Variants in PRRX2 observed in about 807,000 individuals in gnomAD.
PRRX2 encodes paired mesoderm homeobox protein 2.
Under a neutral mutation model 18.0 loss-of-function variants are expected in PRRX2, and 11 were observed. The observed-to-expected ratio is 0.61, with a 90% CI of 0.39 to 1.01. The LOEUF is 1.01. PRRX2 is among the 50% of genes least tolerant of loss of function. PRRX2 has a pLI of 0.01. For synonymous variants in PRRX2, 177 were observed against 154.8 expected, an observed-to-expected ratio of 1.14 and a Z score of -1.06; for missense variants, 387 against 351.0, an observed-to-expected ratio of 1.10 and a Z score of -0.82.
intron 1 of PRRX2, among the ~76,000 whole-genome samples, chr9:129,673,861 C>A (rs1832132941): frequency 6.6e-6 from 1 of 152,198 alleles, no homozygotes; most frequent in South Asian, 2.1e-4. Context: ...TGGGAGCTTC[C>A]TGTTTAGACA....
intron 1 of PRRX2, among the ~76,000 whole-genome samples, chr9:129,685,224 C>T (rs1301608893): frequency 6.6e-6 from 1 of 152,224 alleles, no homozygotes; most frequent in African/African-American, 2.4e-5. Flanking sequence ...GGGCCCAGGG[C>T]CCCCTACCAG....
At chr9:129,698,085 C>T (rs1227549536) in intron 1 of PRRX2, among the ~76,000 whole-genome samples, 1 of 152,062 alleles carries the variant, frequency 6.6e-6, no homozygotes, top group East Asian at 1.9e-4. Flanking sequence ...GGTCCCTGGT[C>T]CTGGCTGCTG....
chr9:129,666,341 C>G (rs886223269), intron 1 of PRRX2, among the ~76,000 whole-genome samples: 1 of 152,070 alleles, frequency 6.6e-6, no homozygotes, highest in Non-Finnish European at 1.5e-5. Context: ...GGGGTGCGTC[C>G]CCACGGGGAA....
intron 1 of PRRX2, among the ~76,000 whole-genome samples, chr9:129,668,386 A>G (rs1588159680): frequency 6.6e-6 from 1 of 152,128 alleles, no homozygotes; most frequent in East Asian, 1.9e-4. Flanking sequence ...ATCATCCTCC[A>G]GTCCTGGACA....
chr9:129,684,116 G>C (rs1025189921), intron 1 of PRRX2, among the ~76,000 whole-genome samples: 1 of 152,150 alleles, frequency 6.6e-6, no homozygotes, highest in African/African-American at 2.4e-5. Flanking sequence ...TGCAGACCTG[G>C]GGGTGAGGGG....
At chr9:129,701,359 C>T (rs1021885595) in intron 1 of PRRX2, among the ~76,000 whole-genome samples, 11 of 152,230 alleles carry the variant, frequency 7.2e-5, no homozygotes, top group African/African-American at 2.7e-4. Flanking sequence ...GTTACTTGAC[C>T]ACTAACTGGG....
rs1832806156 is a variant in PRRX2, at chr9:129,722,418, C to T, written c.*66C>T. 6.4e-7 allele frequency: 1 copy of T among 1,571,062 alleles called. No individual in the cohort carries two copies. The highest frequency in any genetic ancestry group is 8.6e-7 in the Non-Finnish European group (1 of 1,156,560). The stretch of plus-strand genomic sequence containing the variant: ...CAGCAATAGAAAAGGGGGCAGACGC[C>T]CAGGAAGTGACCTTCTCCTGGATGA... On this transcript the variant is annotated 3_prime_UTR_variant, in exon 4 of 4. Transcript: ENST00000372469.
At chr9:129,720,879 G>A (rs1832781716) in intron 3 of PRRX2, 105 bp downstream of exon 3, 2 of 1,261,788 alleles carry the variant, frequency 1.6e-6, no homozygotes, top group Non-Finnish European at 2.1e-6. Context: ...CTTGAATGGT[G>A]TCCACGCGCC....
intron 1 of PRRX2, among the ~76,000 whole-genome samples, chr9:129,689,059 C>T (rs915758111): frequency 6.6e-6 from 1 of 152,214 alleles, no homozygotes; most frequent in African/African-American, 2.4e-5. Context: ...CGGGTAGGCT[C>T]ATGGCTTAGG....
intron 1 of PRRX2, among the ~76,000 whole-genome samples, chr9:129,712,603 A>G (rs1832639764): frequency 6.6e-6 from 1 of 152,126 alleles, no homozygotes; most frequent in African/African-American, 2.4e-5. Flanking sequence ...TTTTCACTGT[A>G]ATGTAATCGG....
At chr9:129,691,024 G>T (rs1209431656) in intron 1 of PRRX2, among the ~76,000 whole-genome samples, 3 of 151,724 alleles carry the variant, frequency 2.0e-5, no homozygotes, top group African/African-American at 7.3e-5. Flanking sequence ...GTCAAACACA[G>T]ATATTATTAA....
chr9:129,709,861 G>A lies in PRRX2; in HGVS notation c.260-9370G>A, dbSNP rs141978285. On this transcript the variant is annotated intron_variant, in intron 1 of 3. Coordinates refer to ENST00000372469, the MANE Select transcript of PRRX2 (RefSeq NM_016307.4). The surrounding 1 kb of genome is among the most constrained non-coding windows in gnomAD (Gnocchi z 4.2). ...CCTAGACCCCTGCACAGGAGGGCGGGCTCTGCAGGCTCACCCGGCCCTTCC... is the reference window on the plus strand; with the variant it reads ...CCTAGACCCCTGCACAGGAGGGCGGACTCTGCAGGCTCACCCGGCCCTTCC... Among the ~76,000 whole-genome samples, 403 of 152,056 alleles carry A rather than the reference G, an allele frequency of 2.7e-3. No individual in the cohort carries two copies. The highest frequency in any genetic ancestry group is 9.5e-3 in the African/African-American group (396 of 41,500).
At chr9:129,668,778 CAAAAA>C (rs562855941) in intron 1 of PRRX2, among the ~76,000 whole-genome samples, 2 of 58,670 alleles carry the variant, frequency 3.4e-5, no homozygotes, top group African/African-American at 5.7e-5. Flanking sequence ...GACTCCATCT[CAAAAA>C]AAAAAAAAAA....
intron 1 of PRRX2, among the ~76,000 whole-genome samples, chr9:129,698,262 G>GC (rs1832452025): frequency 1.0e-5 from 1 of 95,264 alleles, no homozygotes; most frequent in South Asian, 4.9e-4. Context: ...TGGGGCGGGG[G>GC]GGGGGGGGGG....
chr9:129,718,468 C>T (rs1028106964), intron 1 of PRRX2: 1 of 152,378 alleles, frequency 6.6e-6, no homozygotes, highest in Admixed American at 6.5e-5. Context: ...TTGGTCTCTC[C>T]CCGGCCCCCA....
chr9:129,716,273 G>A (rs981746522), intron 1 of PRRX2, among the ~76,000 whole-genome samples: 2 of 152,056 alleles, frequency 1.3e-5, no homozygotes, highest in African/African-American at 4.8e-5. Context: ...CCAAGAGATT[G>A]GAAACCCTCC....
intron 1 of PRRX2, among the ~76,000 whole-genome samples, chr9:129,694,243 A>G (rs1832394359): frequency 6.6e-6 from 1 of 151,986 alleles, no homozygotes; most frequent in African/African-American, 2.4e-5. Context: ...GCTCACTGCA[A>G]CCTCTGCCTC....
intron 1 of PRRX2, among the ~76,000 whole-genome samples, chr9:129,712,326 AGAGT>A (rs1362904345): frequency 6.6e-6 from 1 of 152,212 alleles, no homozygotes; most frequent in African/African-American, 2.4e-5. Flanking sequence ...AAAAACAAAT[AGAGT>A]GTGTCTCTCA....
In PRRX2 at chr9:129,720,714, C is replaced by G; in HGVS notation, c.566C>G (p.Ala189Gly). 2 of 1,612,812 alleles carry G rather than the reference C, an allele frequency of 1.2e-6. No individual in the cohort carries two copies. Among genetic ancestry groups the G allele is most frequent in the Non-Finnish European group, 1.7e-6 (2 of 1,179,592 alleles). The change falls in exon 3 of 4, where the codon GCT (alanine) becomes GGT (glycine). Residue 189 changes from alanine to glycine, a missense_variant. Ala to Gly is a moderately conservative substitution (Grantham distance 60). Coordinates refer to ENST00000372469, the MANE Select transcript of PRRX2 (RefSeq NM_016307.4). ...GAGGCCGCCATCGAGCAGCCCGTGG[C>G]TCCCCGGCCCACCGCCCTGAGTCCA... ...SQEAAIEQPVAPRPTALSPDY... is the reference protein window; with the variant it reads ...SQEAAIEQPVGPRPTALSPDY...
Sources: gnomAD v4.1 joint callset for allele counts (sites outside exome capture counted in the v4.1 genomes callset) on GRCh38, gnomAD v4.1.1 for gene constraint, Gnocchi (gnomAD v3.1) non-coding constraint, MANE v1.5 for transcripts, NCBI Gene and HGNC (gene_info 2026-07-23, HGNC 2026-07-21) for gene names.